Variants in SPATS2 observed in about 807,000 individuals in gnomAD.
SPATS2 encodes spermatogenesis-associated serine-rich protein 2.
In SPATS2, 38 loss-of-function variants were observed where a neutral mutation model predicts 63.7. The observed-to-expected ratio is 0.60, with a 90% confidence interval of 0.46 to 0.78. The LOEUF (loss-of-function observed/expected upper bound fraction) is 0.78. Among genes scored for constraint, SPATS2 ranks in the 30% least tolerant of loss-of-function variants. SPATS2 has a pLI of 0.00. For missense variants in SPATS2, 588 were observed against 666.2 expected, an observed-to-expected ratio of 0.88 and a Z score of 1.29; for synonymous variants, 207 against 232.9, an observed-to-expected ratio of 0.89 and a Z score of 1.01.
At chr12:49,425,018 T>A (rs1178359756) in intron 2 of SPATS2, among the ~76,000 whole-genome samples, 2 of 152,182 alleles carry the variant, frequency 1.3e-5, no homozygotes, top group African/African-American at 4.8e-5. Context: ...AATGTACATT[T>A]ATTCACCAAT....
intron 2 of SPATS2, among the ~76,000 whole-genome samples, chr12:49,421,906 A>G (rs1336876827): frequency 6.6e-6 from 1 of 152,200 alleles, no homozygotes; most frequent in African/African-American, 2.4e-5. Flanking sequence ...TCATTTTTGT[A>G]AAGAACAATA....
chr12:49,496,448 G>A (rs1946465234), intron 7 of SPATS2, among the ~76,000 whole-genome samples: 2 of 152,186 alleles, frequency 1.3e-5, no homozygotes, highest in African/African-American at 4.8e-5. Context: ...CCTCGAGAGA[G>A]TTTAAAACTC....
rs1946316027 is a variant in SPATS2 at position 49,487,571 on chromosome 12, C to T, written c.106-1894C>T. Reference sequence around the variant, plus strand: ...CAATATTTTTAAAACGGCAAGCTTACATAAGATCTCAGTTCCAATCTTTTT... The same window carrying T: ...CAATATTTTTAAAACGGCAAGCTTATATAAGATCTCAGTTCCAATCTTTTT... On this transcript the variant is annotated intron_variant, in intron 4 of 13. Coordinates refer to ENST00000552918, the MANE Select transcript of SPATS2 (RefSeq NM_023071.4). 2.0e-5 allele frequency among the ~76,000 whole-genome samples: 3 copies of T among 152,180 alleles called. No individual in the cohort carries two copies. In the South Asian group the frequency reaches 6.2e-4, roughly 32 times the overall value.
intron 3 of SPATS2, among the ~76,000 whole-genome samples, chr12:49,466,898 TAAC>T (rs1945926134): frequency 6.6e-6 from 1 of 152,176 alleles, no homozygotes; most frequent in South Asian, 2.1e-4. Flanking sequence ...ATTATCATCT[TAAC>T]AACATGGAAG....
At chr12:49,437,146 C>T (rs1020007242) in intron 2 of SPATS2, among the ~76,000 whole-genome samples, 2 of 151,638 alleles carry the variant, frequency 1.3e-5, no homozygotes, top group African/African-American at 4.8e-5. Flanking sequence ...CTCCTCACTT[C>T]TCAGACGGGG....
At chr12:49,442,202 C>T (rs569076085) in intron 2 of SPATS2, among the ~76,000 whole-genome samples, 44 of 152,266 alleles carry the variant, frequency 2.9e-4, no homozygotes, top group African/African-American at 1.0e-3. Flanking sequence ...CAAAAAATAA[C>T]AAGCAAATAA....
Position 49,460,907 on chromosome 12 carries a change from G to A in SPATS2, c.-106G>A, listed in dbSNP as rs1205750374. Reference sequence around the variant, plus strand: ...GATTTCGTATTTTTTGCTTCCAACTGCACACTTCCGTTGCCCACTTTTAAA... The same window carrying A: ...GATTTCGTATTTTTTGCTTCCAACTACACACTTCCGTTGCCCACTTTTAAA... On this transcript the variant is annotated 5_prime_UTR_variant, in exon 3 of 14. Coordinates refer to ENST00000552918, the MANE Select transcript of SPATS2 (RefSeq NM_023071.4). 14 of 1,320,008 alleles carry A rather than the reference G, an allele frequency of 1.1e-5. No individual in the cohort carries two copies. The highest frequency in any genetic ancestry group is 1.5e-5 in the Non-Finnish European group (14 of 936,214). The allele number at this position is 1,320,008 out of a possible 1,614,324, so 81.8% of individuals were successfully genotyped here.
chr12:49,485,402 C>T (rs1359341148), intron 4 of SPATS2, among the ~76,000 whole-genome samples: 3 of 152,076 alleles, frequency 2.0e-5, no homozygotes, highest in Non-Finnish European at 4.4e-5. Flanking sequence ...CACTCTGTCA[C>T]CCAGGTTGGA....
At chr12:49,405,262 G>A (rs1046042948) in intron 2 of SPATS2, among the ~76,000 whole-genome samples, 16 of 151,854 alleles carry the variant, frequency 1.1e-4, no homozygotes, top group African/African-American at 3.9e-4. Flanking sequence ...CAGAGATGTT[G>A]GTAACATGCC....
chr12:49,373,199 C>T (rs1944033078), intron 2 of SPATS2, among the ~76,000 whole-genome samples: 1 of 152,082 alleles, frequency 6.6e-6, no homozygotes, highest in South Asian at 2.1e-4. Flanking sequence ...GACTTGAATT[C>T]CCAACCTCAG....
chr12:49,523,548 A>T (rs1946978265), intron 12 of SPATS2, among the ~76,000 whole-genome samples: 1 of 152,116 alleles, frequency 6.6e-6, no homozygotes, highest in African/African-American at 2.4e-5. Context: ...CACATAATAG[A>T]TCCTTAAATA....
chr12:49,507,774 G>A (rs900137410), intron 9 of SPATS2, among the ~76,000 whole-genome samples: 11 of 152,098 alleles, frequency 7.2e-5, no homozygotes, highest in East Asian at 1.9e-4. Context: ...GTTAGTGTGC[G>A]TACATGTTTA....
At chr12:49,491,756 C>T (rs150221378) in intron 6 of SPATS2, among the ~76,000 whole-genome samples, 17 of 152,282 alleles carry the variant, frequency 1.1e-4, no homozygotes, top group African/African-American at 3.4e-4. Context: ...CATAATACAA[C>T]GCCTAACATA....
chr12:49,409,231 T>G (rs1944751907), intron 2 of SPATS2, among the ~76,000 whole-genome samples: 1 of 152,096 alleles, frequency 6.6e-6, no homozygotes, highest in Non-Finnish European at 1.5e-5. Flanking sequence ...AAAGCTGCAT[T>G]TAGAGGATAA....
intron 9 of SPATS2, among the ~76,000 whole-genome samples, chr12:49,500,929 G>A (rs1217864150): frequency 6.6e-6 from 1 of 151,796 alleles, no homozygotes; most frequent in African/African-American, 2.4e-5. Flanking sequence ...CCAATAAAGT[G>A]CCCTTTTATT....
chr12:49,495,224 C>T (rs887666934), intron 7 of SPATS2, among the ~76,000 whole-genome samples: 8 of 151,988 alleles, frequency 5.3e-5, no homozygotes, highest in African/African-American at 1.5e-4. Flanking sequence ...GATGGAATCT[C>T]GCTGTGTCGC....
chr12:49,442,010 C>G (rs1281027216), intron 2 of SPATS2, among the ~76,000 whole-genome samples: 1 of 152,070 alleles, frequency 6.6e-6, no homozygotes, highest in Non-Finnish European at 1.5e-5. Flanking sequence ...TACGAAAAAA[C>G]AACATGGTAA....
chr12:49,387,810 G>T (rs1944346281), intron 2 of SPATS2, among the ~76,000 whole-genome samples: 1 of 152,004 alleles, frequency 6.6e-6, no homozygotes, highest in Admixed American at 6.6e-5. Flanking sequence ...GGGAGCAGGG[G>T]CGTTCTTACC....
chr12:49,436,854 C>T (rs568876808), intron 2 of SPATS2, among the ~76,000 whole-genome samples: 22 of 138,914 alleles, frequency 1.6e-4, no homozygotes, highest in African/African-American at 4.6e-4. Flanking sequence ...GCTGTCCGGG[C>T]GGGGGGCTGA....
Sources: gnomAD v4.1 joint callset for allele counts (sites outside exome capture counted in the v4.1 genomes callset) on GRCh38, gnomAD v4.1.1 for gene constraint, MANE v1.5 for transcripts, NCBI Gene and HGNC (gene_info 2026-07-23, HGNC 2026-07-21) for gene names.